The following PDE4B variants were observed in gnomAD, a reference collection of about 807,000 sequenced individuals.
PDE4B encodes phosphodiesterase 4B.
PDE4B carries 20 observed loss-of-function variants against 82.2 expected under a neutral mutation model. The observed-to-expected ratio is 0.24, with a 90% CI of 0.17 to 0.35. PDE4B has a LOEUF of 0.35. Among genes scored for constraint, PDE4B ranks in the 10% least tolerant of loss-of-function variants. The pLI, the probability that PDE4B is intolerant of heterozygous loss-of-function variation, is 1.00. For synonymous variants in PDE4B, 320 were observed against 318.9 expected (o/e 1.00, Z -0.04); for missense variants, 655 against 907.2 (o/e 0.72, Z 3.57).
rs540893307 is a variant in PDE4B at position 66,315,874 on chromosome 1, A to G, written c.635-16634A>G. ...CTCCCTACCTACGAGGAAGTGTAGT[A>G]TGGGAACTGTGGAATTCAGAGTTTT... is the stretch of plus-strand genomic sequence containing the variant. On this transcript the variant is annotated intron_variant, in intron 7 of 16. Coordinates refer to ENST00000341517, the MANE Select transcript of PDE4B (RefSeq NM_002600.4). Among the ~76,000 whole-genome samples, 31 of 152,130 alleles carry G rather than the reference A, an allele frequency of 2.0e-4. 1 individual carries two copies. In the South Asian group the frequency reaches 2.5e-3, roughly 12 times the overall value.
At chr1:66,244,778 C>T (rs1168189816) in intron 3 of PDE4B, among the ~76,000 whole-genome samples, 1 of 152,140 alleles carries the variant, frequency 6.6e-6, no homozygotes, top group Non-Finnish European at 1.5e-5. Context: ...AGCAAGCTCT[C>T]CTGAGTTTAA....
chr1:66,206,833 C>A lies in PDE4B; in HGVS notation c.282-40627C>A, dbSNP rs57180329. ...GGTCCACTAGCTCAGGAACAGGTTT[C>A]ATTTGTCTTTGAATCCCTAGCATGT... is the stretch of plus-strand genomic sequence containing the variant. On this transcript the variant is annotated intron_variant, in intron 3 of 16. Coordinates refer to ENST00000341517, the MANE Select transcript of PDE4B (RefSeq NM_002600.4). Among the ~76,000 whole-genome samples the A allele has an allele frequency of 7.6e-4, 115 of 152,284 alleles. 1 individual carries two copies. In the East Asian group the frequency reaches 0.019, roughly 26 times the overall value.
At chr1:66,004,600 A>G (rs775356158) in intron 3 of PDE4B, among the ~76,000 whole-genome samples, 1 of 152,180 alleles carries the variant, frequency 6.6e-6, no homozygotes, top group African/African-American at 2.4e-5. Context: ...TGAAACTATT[A>G]ATAGATACCA....
chr1:65,969,775 A>C (rs1477638327), intron 3 of PDE4B, among the ~76,000 whole-genome samples: 1 of 152,158 alleles, frequency 6.6e-6, no homozygotes, highest in Non-Finnish European at 1.5e-5. Flanking sequence ...TATAAATGGT[A>C]TGATTAGTTT....
intron 1 of PDE4B, among the ~76,000 whole-genome samples, chr1:65,894,442 G>A (rs1382346278): frequency 6.6e-6 from 1 of 151,988 alleles, no homozygotes; most frequent in Non-Finnish European, 1.5e-5. Context: ...AGGAAATATA[G>A]GAACATAATC....
intron 3 of PDE4B, among the ~76,000 whole-genome samples, chr1:66,189,792 G>C (rs1330424617): frequency 6.6e-6 from 1 of 151,948 alleles, no homozygotes; most frequent in Non-Finnish European, 1.5e-5. Flanking sequence ...TCCTCCTTTA[G>C]CTTGGAGTAG....
intron 3 of PDE4B, among the ~76,000 whole-genome samples, chr1:65,933,022 C>T (rs1355084427): frequency 2.6e-5 from 4 of 151,848 alleles, no homozygotes; most frequent in South Asian, 2.1e-4. Context: ...AGAGAAAGAA[C>T]CACAAAACAT....
intron 3 of PDE4B, among the ~76,000 whole-genome samples, chr1:66,036,617 T>C (rs1287162661): frequency 6.6e-6 from 1 of 152,162 alleles, no homozygotes; most frequent in Non-Finnish European, 1.5e-5. Flanking sequence ...TTGTCAGAAA[T>C]CAATTGACTA....
intron 3 of PDE4B, among the ~76,000 whole-genome samples, chr1:66,090,621 A>ATATATATATATATATGTGTGTG: frequency 8.1e-6 from 1 of 122,722 alleles, no homozygotes; most frequent in African/African-American, 4.1e-5. Flanking sequence ...TATATAATAT[A>ATATATATATATATATGTGTGTG]TGTGTGTGTG....
At chr1:65,813,052 T>C (rs1409608481) in intron 1 of PDE4B, among the ~76,000 whole-genome samples, 1 of 152,106 alleles carries the variant, frequency 6.6e-6, no homozygotes, top group East Asian at 1.9e-4. Context: ...GGAACGAGAT[T>C]GGGAACAGGC....
At chr1:66,348,809 A>G (rs1661604976) in intron 8 of PDE4B, among the ~76,000 whole-genome samples, 1 of 151,886 alleles carries the variant, frequency 6.6e-6, no homozygotes, top group Non-Finnish European at 1.5e-5. Flanking sequence ...TATATAGTTT[A>G]AAATGCATAG....
intron 7 of PDE4B, among the ~76,000 whole-genome samples, chr1:66,309,709 A>G (rs528205764): frequency 6.6e-6 from 1 of 152,144 alleles, no homozygotes; most frequent in African/African-American, 2.4e-5. Context: ...TAGAGCCATA[A>G]ATTTCATTTC....
At chr1:66,011,441 C>A (rs1205428972) in intron 3 of PDE4B, among the ~76,000 whole-genome samples, 1 of 151,972 alleles carries the variant, frequency 6.6e-6, no homozygotes, top group Non-Finnish European at 1.5e-5. Flanking sequence ...AAACCAAAAC[C>A]ATGGCTATCT....
chr1:66,207,624 G>GC (rs1471217532), intron 3 of PDE4B, among the ~76,000 whole-genome samples: 1 of 152,104 alleles, frequency 6.6e-6, no homozygotes, highest in African/African-American at 2.4e-5. Context: ...GGGAAACATA[G>GC]TCTGTTTAAT....
chr1:65,837,492 C>T (rs1463484033), intron 1 of PDE4B, among the ~76,000 whole-genome samples: 1 of 152,196 alleles, frequency 6.6e-6, no homozygotes, highest in African/African-American at 2.4e-5. Flanking sequence ...CCTGTGATCC[C>T]AGCTACTTGG....
intron 3 of PDE4B, among the ~76,000 whole-genome samples, chr1:66,231,824 A>C (rs1428150114): frequency 6.6e-6 from 1 of 152,216 alleles, no homozygotes; most frequent in Non-Finnish European, 1.5e-5. Flanking sequence ...AAGGCTTCCT[A>C]TGGAAAGAAA....
chr1:65,967,230 G>A (rs7513141), intron 3 of PDE4B, among the ~76,000 whole-genome samples: 97,942 of 152,036 alleles, frequency 0.64, 31,672 homozygotes, highest in African/African-American at 0.68. Context: ...TGAAGGATAT[G>A]AACAGACACT....
rs959889821 is a variant in PDE4B, at chr1:66,167,720, A to G, written c.282-79740A>G. ...AATAGGTTACTTCCTTTCCATTTTC[A>G]AGAGTACAAGCAAAGTCTCTCCCTG... On this transcript the variant is annotated intron_variant, in intron 3 of 16. Transcript: ENST00000341517. Among the ~76,000 whole-genome samples the G allele has an allele frequency of 2.0e-5, 3 of 152,236 alleles. No individual in the cohort carries two copies. In the East Asian group the frequency reaches 5.8e-4, roughly 29 times the overall value.
intron 1 of PDE4B, among the ~76,000 whole-genome samples, chr1:65,898,568 C>T (rs990608952): frequency 4.6e-5 from 7 of 152,110 alleles, no homozygotes; most frequent in African/African-American, 1.4e-4. Context: ...TCAAACTATA[C>T]TATAAGGCCA....
Sources: gnomAD v4.1 joint callset for allele counts (sites outside exome capture counted in the v4.1 genomes callset) on GRCh38, gnomAD v4.1.1 for gene constraint, MANE v1.5 for transcripts, NCBI Gene and HGNC (gene_info 2026-07-23, HGNC 2026-07-21) for gene names.